The following ASTN1 variants were observed in gnomAD, a reference collection of about 807,000 sequenced individuals.
The protein encoded by ASTN1 is astrotactin 1, also known as astrotactin-1.
In ASTN1, 41 loss-of-function variants were observed where a neutral mutation model predicts 140.7. That is an observed-to-expected ratio of 0.29 (90% CI 0.23 to 0.38). The LOEUF (loss-of-function observed/expected upper bound fraction) is 0.38. ASTN1 is among the 10% of genes least tolerant of loss of function. The pLI is 1.00. For missense variants in ASTN1, 1,479 were observed against 1,678.8 expected, an observed-to-expected ratio of 0.88 and a Z score of 2.08; for synonymous variants, 640 against 652.2, an observed-to-expected ratio of 0.98 and a Z score of 0.29.
At chr1:176,881,947 A>T (rs1488639540) in intron 20 of ASTN1, among the ~76,000 whole-genome samples, 1 of 152,138 alleles carries the variant, frequency 6.6e-6, no homozygotes, top group African/African-American at 2.4e-5. Flanking sequence ...CAAACTGTTA[A>T]ATGTTTTTCA....
intron 5 of ASTN1, among the ~76,000 whole-genome samples, chr1:177,025,727 A>C (rs1002808788): frequency 2.6e-5 from 4 of 152,180 alleles, no homozygotes; most frequent in Non-Finnish European, 4.4e-5. Flanking sequence ...CAATAAGCCT[A>C]TGAGTCTGTA....
intron 17 of ASTN1, among the ~76,000 whole-genome samples, chr1:176,892,153 T>C (rs1471290761): frequency 6.6e-6 from 1 of 152,222 alleles, no homozygotes; most frequent in Non-Finnish European, 1.5e-5. Context: ...AAGACAAAAT[T>C]GGATCATGAG....
At chr1:176,873,144 G>A (rs190262117) in intron 21 of ASTN1, among the ~76,000 whole-genome samples, 19 of 152,304 alleles carry the variant, frequency 1.2e-4, no homozygotes, top group African/African-American at 2.9e-4. Flanking sequence ...AGCAGGGTTC[G>A]ATAAATGGCT....
chr1:176,882,311 A>G (rs1030953964), intron 20 of ASTN1, among the ~76,000 whole-genome samples: 1 of 152,176 alleles, frequency 6.6e-6, no homozygotes, highest in Non-Finnish European at 1.5e-5. Flanking sequence ...GACTCCTTGG[A>G]CTTATAGCAT....
intron 8 of ASTN1, among the ~76,000 whole-genome samples, chr1:176,984,057 C>T (rs1387362187): frequency 6.6e-6 from 1 of 152,220 alleles, no homozygotes; most frequent in Non-Finnish European, 1.5e-5. Context: ...GTGATTGTAA[C>T]AGCCCAGCCA....
intron 13 of ASTN1, among the ~76,000 whole-genome samples, chr1:176,944,613 C>A (rs1671875592): frequency 1.3e-5 from 2 of 152,184 alleles, no homozygotes; most frequent in Non-Finnish European, 2.9e-5. Flanking sequence ...CACCTGAACC[C>A]CACTGTAAAT....
intron 5 of ASTN1, among the ~76,000 whole-genome samples, chr1:177,029,037 T>A (rs1294590719): frequency 6.6e-6 from 1 of 152,176 alleles, no homozygotes; most frequent in Non-Finnish European, 1.5e-5. Flanking sequence ...ACACAGTGGC[T>A]GCGTGGAAGG....
chr1:177,122,093 C>G (rs888457035), intron 1 of ASTN1, among the ~76,000 whole-genome samples: 9 of 152,144 alleles, frequency 5.9e-5, no homozygotes, highest in African/African-American at 1.9e-4. Context: ...AAAAAGAGAT[C>G]GATGGGGACC....
chr1:176,895,664 T>C (rs567466365), intron 16 of ASTN1, among the ~76,000 whole-genome samples: 1 of 152,346 alleles, frequency 6.6e-6, no homozygotes, highest in African/African-American at 2.4e-5. Flanking sequence ...AGTTAAAGAA[T>C]CTTTTGGTCT....
rs373596652 is a variant in ASTN1, at chr1:177,076,356, C to T, written c.284-15091G>A. ...AAAAGAAATCCCTCACACCATGCAC[C>T]GTCCTCACAGAAGCAAGCCAGAAAA... is the stretch of plus-strand genomic sequence containing the variant. On this transcript the variant is annotated intron_variant, in intron 1 of 22. Coordinates refer to ENST00000361833, the MANE Select transcript of ASTN1 (RefSeq NM_004319.3). Among the ~76,000 whole-genome samples the T allele has an allele frequency of 6.0e-4, 91 of 151,362 alleles. 2 individuals carry two copies. The South Asian group carries it at 0.018, about 30-fold the overall frequency.
chr1:176,934,053 G>T lies in ASTN1; in HGVS notation c.2671+99C>A, dbSNP rs528320466. On this transcript the variant is annotated intron_variant, in intron 16 of 22. Transcript: ENST00000361833. ...GAGCATTAGGGGAAAATCTGATTGA[G>T]TCGTTACTACAGACTCCTTAAAATG... 6.4e-6 allele frequency: 8 copies of T among 1,253,692 alleles called. 1 individual carries two copies. In the African/African-American group the frequency reaches 1.0e-4, roughly 16 times the overall value. The allele number at this position is 1,253,692 out of a possible 1,614,324, so 77.7% of individuals were successfully genotyped here. A position where few individuals can be genotyped will look rare whatever the true frequency, so the allele number is the denominator to read the frequency against.
intron 8 of ASTN1, among the ~76,000 whole-genome samples, chr1:176,993,116 C>T (rs1055424143): frequency 1.3e-5 from 2 of 152,226 alleles, no homozygotes; most frequent in Non-Finnish European, 2.9e-5. Context: ...CTGATCTCGA[C>T]TTCCTGCCTC....
chr1:177,077,424 T>A (rs1414556636), intron 1 of ASTN1, among the ~76,000 whole-genome samples: 1 of 152,226 alleles, frequency 6.6e-6, no homozygotes, highest in Non-Finnish European at 1.5e-5. Context: ...GGCTTGACTA[T>A]CAGCCTTTCT....
intron 2 of ASTN1, among the ~76,000 whole-genome samples, chr1:177,058,691 A>T (rs1260514091): frequency 1.3e-5 from 2 of 152,064 alleles, no homozygotes; most frequent in African/African-American, 4.8e-5. Context: ...TATATTTTTT[A>T]AATTTTGTAT....
chr1:176,870,850 C>T (rs1440992644), intron 21 of ASTN1, among the ~76,000 whole-genome samples: 1 of 152,140 alleles, frequency 6.6e-6, no homozygotes, highest in African/African-American at 2.4e-5. Context: ...TATCAAAGGC[C>T]TATGATTGCC....
chr1:177,122,116 G>C (rs1165786120), intron 1 of ASTN1, among the ~76,000 whole-genome samples: 1 of 152,122 alleles, frequency 6.6e-6, no homozygotes, highest in East Asian at 1.9e-4. Context: ...ACTGTTACCT[G>C]CCAAATCCCA....
intron 8 of ASTN1, among the ~76,000 whole-genome samples, chr1:177,000,226 C>A (rs933319079): frequency 6.6e-6 from 1 of 152,174 alleles, no homozygotes; most frequent in Non-Finnish European, 1.5e-5. Context: ...CACAAACTTA[C>A]TATAAGCAAA....
At chr1:177,074,568 T>A (rs1041276998) in intron 1 of ASTN1, among the ~76,000 whole-genome samples, 1 of 152,184 alleles carries the variant, frequency 6.6e-6, no homozygotes, top group Non-Finnish European at 1.5e-5. Flanking sequence ...CATGCTAGGT[T>A]CCATTTACAA....
chr1:177,126,754 C>G (rs1681672739), intron 1 of ASTN1, among the ~76,000 whole-genome samples: 1 of 152,170 alleles, frequency 6.6e-6, no homozygotes, highest in Non-Finnish European at 1.5e-5. Context: ...TCCTTGCTCA[C>G]TGCTCATTCT....
Sources: gnomAD v4.1 joint callset for allele counts (sites outside exome capture counted in the v4.1 genomes callset) on GRCh38, gnomAD v4.1.1 for gene constraint, MANE v1.5 for transcripts, NCBI Gene and HGNC (gene_info 2026-07-23, HGNC 2026-07-21) for gene names.